The following WDR72 variants were observed in gnomAD, a reference collection of about 807,000 sequenced individuals.
WDR72 encodes WD repeat-containing protein 72.
Under a neutral mutation model 124.2 loss-of-function variants are expected in WDR72, and 120 were observed. The observed-to-expected ratio is 0.97, with a 90% CI of 0.83 to 1.12. WDR72 has a LOEUF of 1.12. Ranked by LOEUF, WDR72 falls within the 50% of genes most tolerant of loss-of-function variation. The pLI is 0.00. For missense variants in WDR72, 1,387 were observed against 1,278.8 expected, an observed-to-expected ratio of 1.08 and a Z score of -1.29; for synonymous variants, 452 against 441.7, an observed-to-expected ratio of 1.02 and a Z score of -0.29.
rs1457254990 is a variant in WDR72, at chr15:53,538,042, A to G, written c.3149-14720T>C. ...AAGGAAGTAAAAGTGACTTCTGACA[A>G]TGCTGACCAGATAACATAGAACCTC... On this transcript the variant is annotated intron_variant, in intron 18 of 19. Coordinates refer to ENST00000360509, the MANE Select transcript of WDR72 (RefSeq NM_182758.4). 2.0e-5 allele frequency among the ~76,000 whole-genome samples: 3 copies of G among 152,172 alleles called. No individual in the cohort carries two copies. The East Asian group carries it at 5.8e-4, about 29-fold the overall frequency.
chr15:53,544,742 T>A (rs1893355054), intron 18 of WDR72, among the ~76,000 whole-genome samples: 1 of 149,586 alleles, frequency 6.7e-6, no homozygotes. Flanking sequence ...GCAGACGACA[T>A]GACTGTATAT....
At chr15:53,623,638 T>C (rs1381221570) in intron 14 of WDR72, among the ~76,000 whole-genome samples, 6 of 152,340 alleles carry the variant, frequency 3.9e-5, no homozygotes, top group African/African-American at 1.4e-4. Context: ...CGTGTCTTTT[T>C]GGTAGAACTT....
rs1308272108 is a variant in WDR72, at chr15:53,687,328, GAA to G, written c.1765+12420_1765+12421del. Reference sequence around the variant, plus strand: ...ATAGACCACTAGCAAGACTAATCAAGAAAAAAAGAGAGAAGAATCAAATAGAC... The same window carrying G: ...ATAGACCACTAGCAAGACTAATCAAGAAAAAGAGAGAAGAATCAAATAGAC... On this transcript the variant is annotated intron_variant, in intron 13 of 19. Coordinates refer to ENST00000360509, the MANE Select transcript of WDR72 (RefSeq NM_182758.4). Among the ~76,000 whole-genome samples the G allele has an allele frequency of 1.7e-4, 26 of 149,630 alleles. 1 individual carries two copies. Among genetic ancestry groups the G allele is most frequent in the Admixed American group, 9.3e-4 (14 of 15,080 alleles).
intron 1 of WDR72, among the ~76,000 whole-genome samples, chr15:53,733,836 A>G (rs963223557): frequency 1.3e-5 from 2 of 152,204 alleles, no homozygotes; most frequent in African/African-American, 2.4e-5. Flanking sequence ...ATGACCACCC[A>G]AAGTATCACT....
intron 14 of WDR72, among the ~76,000 whole-genome samples, chr15:53,636,392 A>G (rs1764309595): frequency 6.6e-6 from 1 of 152,228 alleles, no homozygotes; most frequent in Admixed American, 6.5e-5. Flanking sequence ...CAACTTTTAA[A>G]TAAATCTTTA....
At chr15:53,524,944 A>T (rs1035386036) in intron 18 of WDR72, among the ~76,000 whole-genome samples, 1 of 152,032 alleles carries the variant, frequency 6.6e-6, no homozygotes, top group African/African-American at 2.4e-5. Context: ...TGTCCTTCTG[A>T]TCCAAGAGGA....
intron 14 of WDR72, among the ~76,000 whole-genome samples, chr15:53,663,480 G>T (rs942185032): frequency 6.6e-6 from 1 of 152,068 alleles, no homozygotes; most frequent in Non-Finnish European, 1.5e-5. Context: ...ATTATATAAA[G>T]AAAATGAAAT....
intron 18 of WDR72, among the ~76,000 whole-genome samples, chr15:53,580,691 G>T (rs72745159): frequency 2.0e-4 from 31 of 151,714 alleles, no homozygotes; most frequent in Non-Finnish European, 1.0e-4. Context: ...AACAGCTCAC[G>T]TTACCCAAAT....
chr15:53,691,646 G>A (rs1343003933), intron 13 of WDR72, among the ~76,000 whole-genome samples: 2 of 128,652 alleles, frequency 1.6e-5, no homozygotes, highest in Non-Finnish European at 3.4e-5. Context: ...TAGATAGATA[G>A]ATAGATAGAT....
intron 13 of WDR72, among the ~76,000 whole-genome samples, chr15:53,693,068 C>T (rs2016891987): frequency 6.6e-6 from 1 of 152,142 alleles, no homozygotes; most frequent in Non-Finnish European, 1.5e-5. Context: ...TAATGAAAAT[C>T]GTATACTGGT....
intron 14 of WDR72, among the ~76,000 whole-genome samples, chr15:53,643,733 TCTGTGTGTGTGC>T (rs2014939378): frequency 7.7e-6 from 1 of 129,868 alleles, no homozygotes; most frequent in Non-Finnish European, 1.5e-5. Flanking sequence ...CGTGTATGTA[TCTGTGTGTGTGC>T]GTGTGTGTGT....
intron 14 of WDR72, among the ~76,000 whole-genome samples, chr15:53,635,687 T>TG: frequency 6.6e-6 from 1 of 151,848 alleles, no homozygotes; most frequent in Non-Finnish European, 1.5e-5. Context: ...TGTGGACTAC[T>TG]GGGGGGGATG....
chr15:53,600,565 G>T (rs75686155), intron 17 of WDR72, among the ~76,000 whole-genome samples: 5,498 of 152,200 alleles, frequency 0.036, 129 homozygotes, highest in Non-Finnish European at 0.045. Flanking sequence ...CTGAGTCTTA[G>T]GCAAGCTAAA....
chr15:53,672,425 T>C (rs1436317084), intron 13 of WDR72, among the ~76,000 whole-genome samples: 1 of 152,190 alleles, frequency 6.6e-6, no homozygotes, highest in East Asian at 1.9e-4. Context: ...CTGAAACTGC[T>C]GTAAATCAGT....
intron 1 of WDR72, 66 bp downstream of exon 1, chr15:53,759,567 G>C (rs910780299): frequency 1.3e-5 from 2 of 152,476 alleles, no homozygotes; most frequent in African/African-American, 2.4e-5. Flanking sequence ...ACCAGCCAGG[G>C]GCAGACGAAG....
At chr15:53,531,181 G>T (rs755446026) in intron 18 of WDR72, among the ~76,000 whole-genome samples, 1 of 152,046 alleles carries the variant, frequency 6.6e-6, no homozygotes, top group Non-Finnish European at 1.5e-5. Flanking sequence ...CTCTGAATGT[G>T]ACTTATTTTT....
chr15:53,523,941 T>G (rs1891961230), intron 18 of WDR72, among the ~76,000 whole-genome samples: 1 of 152,084 alleles, frequency 6.6e-6, no homozygotes, highest in Non-Finnish European at 1.5e-5. Context: ...ATTGTAGAAT[T>G]ATGACCAGAA....
intron 18 of WDR72, among the ~76,000 whole-genome samples, chr15:53,543,394 T>A (rs1379328466): frequency 2.0e-5 from 3 of 152,096 alleles, no homozygotes; most frequent in South Asian, 2.1e-4. Context: ...CTGAATGACT[T>A]CTGGGTACAT....
chr15:53,616,803 T>C (rs2013787149), intron 14 of WDR72, among the ~76,000 whole-genome samples: 1 of 152,020 alleles, frequency 6.6e-6, no homozygotes, highest in Admixed American at 6.6e-5. Context: ...TTAAATTATG[T>C]TCTTGCTAAT....
Sources: allele counts gnomAD v4.1 joint callset (sites outside exome capture counted in the v4.1 genomes callset), GRCh38; gene constraint gnomAD v4.1.1; transcripts MANE v1.5; gene names NCBI Gene and HGNC (gene_info 2026-07-23, HGNC 2026-07-21).